The following RFX2 variants were observed in gnomAD, a reference collection of about 807,000 sequenced individuals.
The protein encoded by RFX2 is DNA-binding protein RFX2.
A neutral mutation model predicts 87.8 loss-of-function variants in RFX2; 20 were observed. That is an observed-to-expected ratio of 0.23 (90% CI 0.16 to 0.33). The LOEUF (loss-of-function observed/expected upper bound fraction) is 0.33, where lower values mean the gene tolerates loss of function less well. RFX2 is among the 10% of genes least tolerant of loss of function. RFX2 has a pLI of 1.00. For missense variants in RFX2, 767 were observed against 1,012.3 expected (o/e 0.76, Z 3.29); for synonymous variants, 397 against 431.3 (o/e 0.92, Z 0.98).
chr19:6,077,325 A>G (rs1399755023), intron 1 of RFX2, among the ~76,000 whole-genome samples: 1 of 152,226 alleles, frequency 6.6e-6, no homozygotes, highest in Admixed American at 6.5e-5. Context: ...CAAGGGCACC[A>G]GGGTTAGCCA....
chr19:6,068,463 C>A (rs2087545046), intron 1 of RFX2: 1 of 152,158 alleles, frequency 6.6e-6, no homozygotes, highest in Admixed American at 6.6e-5. Context: ...CACCCTATAT[C>A]ATATGGTGAC....
rs1165840460 is a variant in RFX2, at chr19:6,004,394, A to C, written c.1403-96T>G. On this transcript the variant is annotated intron_variant, in intron 12 of 17. Transcript: ENST00000303657. The surrounding 1 kb of genome is among the most constrained non-coding windows in gnomAD (Gnocchi z 4.8). ...GTAAGAGCTGGCCCAAGTGCGATGA[A>C]AATGACCACCATGAAGAACGAGCCA... 6 of 1,011,776 alleles carry C rather than the reference A, an allele frequency of 5.9e-6. No homozygotes were observed. In the Admixed American group the frequency reaches 8.8e-5, roughly 15 times the overall value. The allele number at this position is 1,011,776 out of a possible 1,614,324, so 62.7% of individuals were successfully genotyped here. A position where few individuals can be genotyped will look rare whatever the true frequency, so the allele number is the denominator to read the frequency against.
rs150292328 is a variant in RFX2 at position 5,998,231 on chromosome 19, C to G, written c.1860-1018G>C. On this transcript the variant is annotated intron_variant, in intron 15 of 17. Transcript: ENST00000303657. This position sits in a 1 kb window ranked among gnomAD's most constrained non-coding sequence, Gnocchi z 4.2. ...GCTAAGGCAGGAAAATTGCTTGAAC[C>G]TGGGAGGCGGAGGCTGCAGTGAGCC... 0.1 allele frequency among the ~76,000 whole-genome samples: 15,810 copies of G among 152,198 alleles called. 953 individuals carry two copies. Among genetic ancestry groups the G allele is most frequent in the Middle Eastern group, 0.18 (54 of 294 alleles).
chr19:5,995,567 A>G, intron 17 of RFX2, 34 bp downstream of exon 17: 1 of 1,548,152 alleles, frequency 6.5e-7, no homozygotes, highest in Non-Finnish European at 8.7e-7. Flanking sequence ...CCCTCCTGGG[A>G]GGGTCGTGGT....
At chr19:6,098,115 A>ATTTT (rs2088056390) in intron 1 of RFX2, among the ~76,000 whole-genome samples, 1 of 152,218 alleles carries the variant, frequency 6.6e-6, no homozygotes, top group Non-Finnish European at 1.5e-5. Flanking sequence ...ATGACTCGAT[A>ATTTT]AATGACGTCA....
At chr19:6,095,097 G>A (rs191439223) in intron 1 of RFX2, among the ~76,000 whole-genome samples, 4 of 152,300 alleles carry the variant, frequency 2.6e-5, no homozygotes, top group Non-Finnish European at 2.9e-5. Context: ...GGGCGACAGA[G>A]CAAGACTCCA....
chr19:6,037,653 T>C (rs2087042985), intron 5 of RFX2, among the ~76,000 whole-genome samples: 2 of 152,208 alleles, frequency 1.3e-5, no homozygotes, highest in Non-Finnish European at 2.9e-5. Context: ...TTTGTAGATA[T>C]AGATAAATTG....
In RFX2 at chr19:6,036,968, C is replaced by T. The variant is rs976365634; in HGVS notation, c.522+3012G>A. Among the ~76,000 whole-genome samples the T allele has an allele frequency of 3.3e-5, 5 of 152,100 alleles. No homozygotes were observed. The East Asian group carries it at 9.6e-4, about 29-fold the overall frequency. ...GAAATAAAGCAGTTATATTTGCAGGCAACAAGAAGCTCCTAGAACCAAAAA... is the reference window on the plus strand; with the variant it reads ...GAAATAAAGCAGTTATATTTGCAGGTAACAAGAAGCTCCTAGAACCAAAAA... On this transcript the variant is annotated intron_variant, in intron 5 of 17. Coordinates refer to ENST00000303657, the MANE Select transcript of RFX2 (RefSeq NM_000635.4).
Position 6,035,536 on chromosome 19 carries a change from A to C in RFX2, c.522+4444T>G, listed in dbSNP as rs2087010413. Among the ~76,000 whole-genome samples the C allele has an allele frequency of 2.0e-5, 3 of 152,204 alleles. No homozygotes were observed. In the South Asian group the frequency reaches 6.2e-4, roughly 31 times the overall value. On this transcript the variant is annotated intron_variant, in intron 5 of 17. Coordinates refer to ENST00000303657, the MANE Select transcript of RFX2 (RefSeq NM_000635.4). ...GAAAATTGGTCACCAAGAGTCTGGAATCACTCGTCGAGGCTACCAGTGAGG... is the reference window on the plus strand; with the variant it reads ...GAAAATTGGTCACCAAGAGTCTGGACTCACTCGTCGAGGCTACCAGTGAGG...
In RFX2 at chr19:6,009,162, C is replaced by T. The variant is rs192819266; in HGVS notation, c.1016-938G>A. Among the ~76,000 whole-genome samples the T allele has an allele frequency of 5.9e-5, 9 of 152,298 alleles. No individual in the cohort carries two copies. The East Asian group carries it at 1.5e-3, about 26-fold the overall frequency. ...TCGGGGAGAAGGCCAGCCACGGTGT[C>T]CCTGCAGTGACCTCCTGGAGATGGG... On this transcript the variant is annotated intron_variant, in intron 9 of 17. Coordinates refer to ENST00000303657, the MANE Select transcript of RFX2 (RefSeq NM_000635.4).
chr19:6,018,334 C>A (rs977549469), intron 6 of RFX2, among the ~76,000 whole-genome samples: 1 of 152,210 alleles, frequency 6.6e-6, no homozygotes, highest in African/African-American at 2.4e-5. Context: ...CAGCGACCAG[C>A]ACCTCAGAAC....
chr19:6,084,793 C>A (rs1441366361), intron 1 of RFX2, among the ~76,000 whole-genome samples: 1 of 152,074 alleles, frequency 6.6e-6, no homozygotes, highest in African/African-American at 2.4e-5. Flanking sequence ...TGCCACCACG[C>A]CCGGCTAATT....
chr19:6,040,400 C>T lies in RFX2; in HGVS notation c.261-159G>A, dbSNP rs1418129418. Among the ~76,000 whole-genome samples, 1 of 152,168 alleles carries T rather than the reference C, an allele frequency of 6.6e-6. No homozygotes were observed. Among genetic ancestry groups the T allele is most frequent in the Non-Finnish European group, 1.5e-5 (1 of 68,042 alleles). ...TGGCATATGACACTCAAATGCAGCG[C>T]AAGTTCACAGCCACCATGTTGCAAA... is the stretch of plus-strand genomic sequence containing the variant. On this transcript the variant is annotated intron_variant, in intron 4 of 17. Transcript: ENST00000303657. This position sits in a 1 kb window ranked among gnomAD's most constrained non-coding sequence, Gnocchi z 6.1.
rs1057418807 is a variant in RFX2 at position 6,024,947 on chromosome 19, C to T, written c.597+1216G>A. Among the ~76,000 whole-genome samples the T allele has an allele frequency of 2.6e-5, 4 of 151,918 alleles. No individual in the cohort carries two copies. The highest frequency in any genetic ancestry group is 1.3e-4 in the Admixed American group (2 of 15,246). ...GAGGACGGGAGTCAGGACGGGATCACGGTGAGGACGGGAGTCAGGACGGGA... is the reference window on the plus strand; with the variant it reads ...GAGGACGGGAGTCAGGACGGGATCATGGTGAGGACGGGAGTCAGGACGGGA... On this transcript the variant is annotated intron_variant, in intron 6 of 17. Coordinates refer to ENST00000303657, the MANE Select transcript of RFX2 (RefSeq NM_000635.4). The surrounding 1 kb of genome is among the most constrained non-coding windows in gnomAD (Gnocchi z 5.0).
chr19:6,044,279 C>A lies in RFX2; in HGVS notation c.94G>T (p.Val32Leu), dbSNP rs1180176989. The A allele has an allele frequency of 6.5e-6, 10 of 1,549,080 alleles. No individual in the cohort carries two copies. The highest frequency in any genetic ancestry group is 2.0e-5 in the Admixed American group (1 of 49,846). Residue 32 changes from valine to leucine, a missense_variant, in exon 3 of 18, where the codon GTG (valine) becomes TTG (leucine). Physicochemically the swap from Val to Leu is conservative, Grantham distance 32. Transcript: ENST00000303657. The surrounding 1 kb of genome is among the most constrained non-coding windows in gnomAD (Gnocchi z 5.3). ...TTGGAGCTGGCTGCCTGGACCAACACCCTCTAAAAGGGAAGGGAGAGAAGG... is the reference window on the plus strand; with the variant it reads ...TTGGAGCTGGCTGCCTGGACCAACAACCTCTAAAAGGGAAGGGAGAGAAGG... ...APPVPASPQR[V>L]LVQAASSNPK...
chr19:6,035,289 C>A (rs560329787), intron 5 of RFX2, among the ~76,000 whole-genome samples: 3 of 152,240 alleles, frequency 2.0e-5, no homozygotes, highest in Non-Finnish European at 2.9e-5. Flanking sequence ...CTTGTTCCCC[C>A]TTGAGTGACC....
rs2086664342 is a variant in RFX2 at position 6,011,885 on chromosome 19, A to G, written c.899+1101T>C. ...CTGCCCTCAGGGGGGGCACTTGTGG[A>G]GGCACACTGGGAGGCAGTGATATTT... On this transcript the variant is annotated intron_variant, in intron 8 of 17. Coordinates refer to ENST00000303657, the MANE Select transcript of RFX2 (RefSeq NM_000635.4). This position sits in a 1 kb window ranked among gnomAD's most constrained non-coding sequence, Gnocchi z 4.8. 6.6e-6 allele frequency among the ~76,000 whole-genome samples: 1 copy of G among 152,204 alleles called. No individual in the cohort carries two copies. Among genetic ancestry groups the G allele is most frequent in the South Asian group, 2.1e-4 (1 of 4,832 alleles).
chr19:6,031,685 C>T (rs1425762183), intron 5 of RFX2, among the ~76,000 whole-genome samples: 1 of 152,120 alleles, frequency 6.6e-6, no homozygotes, highest in African/African-American at 2.4e-5. Context: ...CCGCCTTGGC[C>T]TCCCAAAGCG....
rs191195324 is a variant in RFX2 at position 6,010,328 on chromosome 19, C to G, written c.900-77G>C. The G allele has an allele frequency of 2.2e-3, 2,039 of 925,640 alleles. 6 individuals carry two copies. Among genetic ancestry groups the G allele is most frequent in the Admixed American group, 2.7e-3 (130 of 49,038 alleles). 57.3% of individuals were successfully genotyped at this position (925,640 alleles called of 1,614,324 possible). A position where few individuals can be genotyped will look rare whatever the true frequency, so the allele number is the denominator to read the frequency against. ...TGGGCCCAAAGACTGGGGGGCTGGG[C>G]AGGATTCAGTCAGGCATGTGTGTGT... On this transcript the variant is annotated intron_variant, in intron 8 of 17. Coordinates refer to ENST00000303657, the MANE Select transcript of RFX2 (RefSeq NM_000635.4). The surrounding 1 kb of genome is among the most constrained non-coding windows in gnomAD (Gnocchi z 5.0).
Sources: gnomAD v4.1 joint callset for allele counts (sites outside exome capture counted in the v4.1 genomes callset) on GRCh38, gnomAD v4.1.1 for gene constraint, Gnocchi (gnomAD v3.1) non-coding constraint, MANE v1.5 for transcripts, NCBI Gene and HGNC (gene_info 2026-07-23, HGNC 2026-07-21) for gene names.